The following CLIC4 variants were observed in gnomAD, a reference collection of about 807,000 sequenced individuals.
CLIC4 encodes chloride intracellular channel protein 4.
In CLIC4, 13 loss-of-function variants were observed where a neutral mutation model predicts 24.6. The ratio of observed to expected loss-of-function variants is 0.53; its 90% CI spans 0.34 to 0.84. CLIC4 has a LOEUF of 0.84. Ranked by LOEUF, CLIC4 falls within the 40% of genes least tolerant of loss-of-function variation. The pLI, the probability that CLIC4 is intolerant of heterozygous loss-of-function variation, is 0.01. For synonymous variants in CLIC4, 104 were observed against 111.3 expected, an observed-to-expected ratio of 0.93 and a Z score of 0.41; for missense variants, 227 against 301.7, an observed-to-expected ratio of 0.75 and a Z score of 1.83.
At chr1:24,815,051 GATAAAATGAATATTGGA>G (rs1243871459) in intron 3 of CLIC4, among the ~76,000 whole-genome samples, 2 of 152,140 alleles carry the variant, frequency 1.3e-5, no homozygotes. Context: ...AGACCACAGT[GATAAAATGAATATTGGA>G]ATAAAATGAG....
chr1:24,792,953 TCCCCATTCATCTTTAGCCTG>T (rs1199326425), intron 1 of CLIC4, among the ~76,000 whole-genome samples: 1 of 152,196 alleles, frequency 6.6e-6, no homozygotes, highest in Non-Finnish European at 1.5e-5. Flanking sequence ...CTGTAGCCAG[TCCCCATTCATCTTTAGCCTG>T]CTTTTAGTTT....
intron 1 of CLIC4, among the ~76,000 whole-genome samples, chr1:24,766,343 G>A (rs1380438509): frequency 6.6e-6 from 1 of 151,542 alleles, no homozygotes; most frequent in Non-Finnish European, 1.5e-5. Context: ...TGTTGGCGAG[G>A]CTGATTTTGA....
chr1:24,791,264 C>T (rs1349759092), intron 1 of CLIC4, among the ~76,000 whole-genome samples: 1 of 152,118 alleles, frequency 6.6e-6, no homozygotes, highest in East Asian at 1.9e-4. Flanking sequence ...TAAACGTATC[C>T]TGGCTCCCAG....
chr1:24,830,799 A>G (rs1571265971), intron 4 of CLIC4, among the ~76,000 whole-genome samples: 1 of 152,194 alleles, frequency 6.6e-6, no homozygotes, highest in Non-Finnish European at 1.5e-5. Flanking sequence ...CAGCATTACT[A>G]CATCGGGGTA....
intron 2 of CLIC4, among the ~76,000 whole-genome samples, chr1:24,808,525 C>CT (rs1315063208): frequency 2.7e-5 from 4 of 150,916 alleles, no homozygotes; most frequent in East Asian, 3.9e-4. Context: ...CCCTGCCGCC[C>CT]TTTTTTTTGA....
chr1:24,838,460 C>G (rs1312526608), intron 4 of CLIC4, among the ~76,000 whole-genome samples: 1 of 152,126 alleles, frequency 6.6e-6, no homozygotes, highest in Non-Finnish European at 1.5e-5. Context: ...GGACCAAGGG[C>G]TGAGTGGGTG....
At chr1:24,823,098 G>A (rs1182616061) in intron 3 of CLIC4, among the ~76,000 whole-genome samples, 3 of 152,166 alleles carry the variant, frequency 2.0e-5, no homozygotes, top group Admixed American at 2.0e-4. Flanking sequence ...TTTGTCATTT[G>A]ATGTACTGAG....
At chr1:24,800,741 G>T (rs1246845738) in intron 2 of CLIC4, among the ~76,000 whole-genome samples, 1 of 152,188 alleles carries the variant, frequency 6.6e-6, no homozygotes, top group East Asian at 1.9e-4. Flanking sequence ...TTCTGCCTTG[G>T]GATCTTGTTG....
rs982117021 is a variant in CLIC4, at chr1:24,752,268, G to A, written c.72+6643G>A. ...CTGTTAATCTGTGCATATTAGTTAG[G>A]GTAGTTTAAGTTGCTGTAATAAGTT... is the stretch of plus-strand genomic sequence containing the variant. On this transcript the variant is annotated intron_variant, in intron 1 of 5. Transcript: ENST00000374379. 3.9e-5 allele frequency among the ~76,000 whole-genome samples: 6 copies of A among 152,158 alleles called. No individual in the cohort carries two copies. In the East Asian group the frequency reaches 9.6e-4, roughly 24 times the overall value.
Position 24,745,450 on chromosome 1 carries a change from C to G in CLIC4, c.-104C>G, listed in dbSNP as rs902817092. 30 of 1,061,364 alleles carry G rather than the reference C, an allele frequency of 2.8e-5. No individual in the cohort carries two copies. The Admixed American group carries it at 6.4e-4, about 23-fold the overall frequency. 65.7% of individuals were successfully genotyped at this position (1,061,364 alleles called of 1,614,324 possible). A position where few individuals can be genotyped will look rare whatever the true frequency, so the allele number is the denominator to read the frequency against. ...CGTGGCCAGCTCGACGCCGGACAGT[C>G]CAGCGAGCAGCACGGCGGGAACCGG... is the stretch of plus-strand genomic sequence containing the variant. On this transcript the variant is annotated 5_prime_UTR_variant, in exon 1 of 6. Coordinates refer to ENST00000374379, the MANE Select transcript of CLIC4 (RefSeq NM_013943.3).
chr1:24,765,815 C>CTTTTT (rs34506030), intron 1 of CLIC4, among the ~76,000 whole-genome samples: 59 of 135,370 alleles, frequency 4.4e-4, no homozygotes, highest in Non-Finnish European at 6.0e-4. Context: ...TTCTTTCTTT[C>CTTTTT]TTTTTTTTTT....
intron 1 of CLIC4, among the ~76,000 whole-genome samples, chr1:24,778,595 A>G (rs1460997334): frequency 6.6e-6 from 1 of 152,194 alleles, no homozygotes; most frequent in African/African-American, 2.4e-5. Context: ...TCTTTGATGA[A>G]GAATTTGTAA....
intron 1 of CLIC4, among the ~76,000 whole-genome samples, chr1:24,777,033 T>C (rs1221735633): frequency 6.6e-6 from 1 of 152,252 alleles, no homozygotes; most frequent in African/African-American, 2.4e-5. Context: ...TTTTTGTCTT[T>C]CTGCTAAATG....
Position 24,841,395 on chromosome 1 carries a change from T to G in CLIC4, c.*458T>G, listed in dbSNP as rs1456265005. 6.6e-6 allele frequency: 1 copy of G among 152,414 alleles called. No homozygotes were observed. Among genetic ancestry groups the G allele is most frequent in the Non-Finnish European group, 1.5e-5 (1 of 68,182 alleles). 9.4% of individuals were successfully genotyped at this position (152,414 alleles called of 1,614,324 possible). ...TGTATTTTTTGGAATTTTGTAATAT[T>G]TAGTAAGAGTATATGAAAGGATTGC... is the stretch of plus-strand genomic sequence containing the variant. On this transcript the variant is annotated 3_prime_UTR_variant, in exon 6 of 6. Coordinates refer to ENST00000374379, the MANE Select transcript of CLIC4 (RefSeq NM_013943.3).
chr1:24,835,427 G>T (rs986818956), intron 4 of CLIC4, among the ~76,000 whole-genome samples: 3 of 152,186 alleles, frequency 2.0e-5, no homozygotes, highest in African/African-American at 4.8e-5. Flanking sequence ...GCCAGGCGTG[G>T]TTGCTCACGC....
chr1:24,795,648 G>A (rs1209561447), intron 1 of CLIC4, among the ~76,000 whole-genome samples: 2 of 151,854 alleles, frequency 1.3e-5, no homozygotes, highest in Non-Finnish European at 1.5e-5. Context: ...TCGGCTCACC[G>A]CAACCTCCAC....
At chr1:24,831,499 A>G (rs941326051) in intron 4 of CLIC4, among the ~76,000 whole-genome samples, 1 of 152,244 alleles carries the variant, frequency 6.6e-6, no homozygotes, top group Non-Finnish European at 1.5e-5. Context: ...CTCAAATAGC[A>G]TTTGAGACAA....
Position 24,840,942 on chromosome 1 carries a change from G to A in CLIC4, c.*5G>A, listed in dbSNP as rs200696203. On this transcript the variant is annotated 3_prime_UTR_variant, in exon 6 of 6. Coordinates refer to ENST00000374379, the MANE Select transcript of CLIC4 (RefSeq NM_013943.3). The stretch of plus-strand genomic sequence containing the variant: ...GCCAAAAGACTCACCAAGTAAAATC[G>A]CGTTTGTAAAAGAGATGTCTTCATG... 8.8e-4 allele frequency: 1,396 copies of A among 1,587,506 alleles called. 2 individuals are homozygous for A. The highest frequency in any genetic ancestry group is 6.7e-3 in the Middle Eastern group (40 of 5,968).
chr1:24,769,638 T>A (rs946588854), intron 1 of CLIC4, among the ~76,000 whole-genome samples: 1 of 152,102 alleles, frequency 6.6e-6, no homozygotes, highest in Non-Finnish European at 1.5e-5. Flanking sequence ...GAAAAAAAAA[T>A]TCTGAGAATA....
Sources: allele counts gnomAD v4.1 joint callset (sites outside exome capture counted in the v4.1 genomes callset), GRCh38; gene constraint gnomAD v4.1.1; transcripts MANE v1.5; gene names NCBI Gene and HGNC (gene_info 2026-07-23, HGNC 2026-07-21).